Variants in ZNF398 observed in about 807,000 individuals in gnomAD.
ZNF398 encodes the protein zinc finger protein 398.
In ZNF398, 18 loss-of-function variants were observed where a neutral mutation model predicts 41.9. The ratio of observed to expected loss-of-function variants is 0.43; its 90% confidence interval spans 0.30 to 0.64. The LOEUF is 0.64. ZNF398 is among the 30% of genes least tolerant of loss of function. The pLI is 0.14. For missense variants in ZNF398, 669 were observed against 822.8 expected, an observed-to-expected ratio of 0.81 and a Z score of 2.29; for synonymous variants, 260 against 308.8, an observed-to-expected ratio of 0.84 and a Z score of 1.66.
At position 149,147,855 on chromosome 7, in the gene ZNF398, G is replaced by T; in HGVS notation, c.24+89G>T. 7.7e-7 allele frequency: 1 copy of T among 1,294,662 alleles called. No homozygotes were observed. Among genetic ancestry groups the T allele is most frequent in the African/African-American group, 1.5e-5 (1 of 64,558 alleles). 80.2% of individuals were successfully genotyped at this position (1,294,662 alleles called of 1,614,324 possible). A position where few individuals can be genotyped will look rare whatever the true frequency, so the allele number is the denominator to read the frequency against. ...GGCGGGCAGGGAGCTGCCAGGCATA[G>T]GCGCCGTTCTCGGGTCCCGCCGGCC... On this transcript the variant is annotated intron_variant, in intron 1 of 5. Transcript: ENST00000475153. The surrounding 1 kb of genome is among the most constrained non-coding windows in gnomAD (Gnocchi z 5.6).
Position 149,180,133 on chromosome 7 carries a change from A to C in ZNF398, c.*332A>C, listed in dbSNP as rs772281204. On this transcript the variant is annotated 3_prime_UTR_variant, in exon 6 of 6. Transcript: ENST00000475153. Reference sequence around the variant, plus strand: ...AGTTCTCTTGTTCTCAGAGAACAGCAGGTTGATAGTAGATTATGTCTCTAG... The same window carrying C: ...AGTTCTCTTGTTCTCAGAGAACAGCCGGTTGATAGTAGATTATGTCTCTAG... The C allele has an allele frequency of 1.9e-5, 4 of 214,670 alleles. No homozygotes were observed. The highest frequency in any genetic ancestry group is 3.7e-5 in the Non-Finnish European group (4 of 107,206). 13.3% of individuals were successfully genotyped at this position (214,670 alleles called of 1,614,324 possible). A position where few individuals can be genotyped will look rare whatever the true frequency, so the allele number is the denominator to read the frequency against.
At chr7:149,172,455 C>A (rs1202458) in intron 4 of ZNF398, among the ~76,000 whole-genome samples, 102 of 152,024 alleles carry the variant, frequency 6.7e-4, no homozygotes, top group African/African-American at 2.0e-3. Context: ...GCGCTCCCCC[C>A]CTTTTTAAAA....
In ZNF398 at chr7:149,178,799, T is replaced by C. The variant is rs772109460; in HGVS notation, c.927T>C (p.Phe309=). The change falls in exon 6 of 6, where the codon TTT becomes TTC. Residue 309 remains phenylalanine, a synonymous_variant. Coordinates refer to ENST00000475153, the MANE Select transcript of ZNF398 (RefSeq NM_170686.3). ...AGCAGTCTACATCCATGACACCTTTTGGACGTCCAGCCACTGACCTGCCTG... is the reference window on the plus strand; with the variant it reads ...AGCAGTCTACATCCATGACACCTTTCGGACGTCCAGCCACTGACCTGCCTG... The part of the protein sequence containing the change: ...KSQQSTSMTP[F]GRPATDLPEA... The C allele has an allele frequency of 6.2e-7, 1 of 1,614,216 alleles. No homozygotes were observed. The highest frequency in any genetic ancestry group is 8.5e-7 in the Non-Finnish European group (1 of 1,180,034).
intron 2 of ZNF398, among the ~76,000 whole-genome samples, chr7:149,159,417 G>T (rs1047999015): frequency 6.6e-6 from 1 of 151,880 alleles, no homozygotes; most frequent in African/African-American, 2.4e-5. Flanking sequence ...GGAGGCTGAG[G>T]CAGGTGGATC....
chr7:149,157,645 G>A (rs1291755855), intron 2 of ZNF398, among the ~76,000 whole-genome samples: 2 of 151,488 alleles, frequency 1.3e-5, no homozygotes, highest in Non-Finnish European at 2.9e-5. Context: ...CGAGACCATT[G>A]TGGCCAACAT....
chr7:149,146,276 G>C (rs1430889536), upstream of ZNF398, among the ~76,000 whole-genome samples: 1 of 151,990 alleles, frequency 6.6e-6, no homozygotes. Context: ...GCAGCAAACC[G>C]TAACCCCAAG....
intron 1 of ZNF398, among the ~76,000 whole-genome samples, chr7:149,128,102 A>G (rs1225852367): frequency 1.3e-5 from 2 of 152,214 alleles, no homozygotes; most frequent in African/African-American, 2.4e-5. Context: ...TTCTGAGCCA[A>G]ATATGAGTGA....
At chr7:149,164,332 G>A (rs573966111) in intron 2 of ZNF398, among the ~76,000 whole-genome samples, 13 of 149,098 alleles carry the variant, frequency 8.7e-5, no homozygotes, top group Admixed American at 3.4e-4. Flanking sequence ...GCGTGAACCC[G>A]GGAGGCAGAG....
At chr7:149,135,614 C>G (rs186035036) in intron 2 of ZNF398, among the ~76,000 whole-genome samples, 48 of 151,254 alleles carry the variant, frequency 3.2e-4, no homozygotes, top group African/African-American at 1.2e-3. Context: ...ACCTGGAGAA[C>G]TTATCCATGT....
upstream of ZNF398, among the ~76,000 whole-genome samples, chr7:149,145,490 CTGT>C (rs1189652126): frequency 1.3e-5 from 2 of 152,144 alleles, no homozygotes; most frequent in Admixed American, 1.3e-4. Context: ...ATTTGCATCC[CTGT>C]TGTTCCTGTA....
In ZNF398 at chr7:149,137,118, C is replaced by T. The variant is rs143857111; in HGVS notation, c.-490+8174C>T. ...CTGACCTCAGGTGATCCTCCCACCTCAGCCTCCCAAAGTGCTGGGATTACA... is the reference window on the plus strand; with the variant it reads ...CTGACCTCAGGTGATCCTCCCACCTTAGCCTCCCAAAGTGCTGGGATTACA... On this transcript the variant is annotated intron_variant, in intron 2 of 6. Transcript: ENST00000426851. Among the ~76,000 whole-genome samples, 730 of 152,238 alleles carry T rather than the reference C, an allele frequency of 4.8e-3. 2 individuals are homozygous for T. Among genetic ancestry groups the T allele is most frequent in the Non-Finnish European group, 8.0e-3 (543 of 68,032 alleles).
chr7:149,132,685 C>T (rs1826622577), intron 2 of ZNF398, among the ~76,000 whole-genome samples: 1 of 152,130 alleles, frequency 6.6e-6, no homozygotes. Context: ...CCCTAATCTA[C>T]TTAATGCAAA....
chr7:149,151,414 G>A, intron 1 of ZNF398: 1 of 255,874 alleles, frequency 3.9e-6, no homozygotes, highest in Non-Finnish European at 6.9e-6. Flanking sequence ...TGAGAATAAA[G>A]TAGTGGGTGA....
chr7:149,140,825 A>C (rs1341111280), intron 2 of ZNF398, among the ~76,000 whole-genome samples: 3 of 152,094 alleles, frequency 2.0e-5, no homozygotes, highest in African/African-American at 7.2e-5. Flanking sequence ...GCATCCCTTG[A>C]GCCCAAGAGT....
intron 4 of ZNF398, among the ~76,000 whole-genome samples, chr7:149,167,384 G>A (rs1306268867): frequency 6.6e-5 from 10 of 152,156 alleles, no homozygotes; most frequent in Admixed American, 6.5e-4. Context: ...CTGGGAAGCT[G>A]GCTATCATGA....
chr7:149,129,594 G>C (rs998204403), intron 2 of ZNF398, among the ~76,000 whole-genome samples: 1 of 151,802 alleles, frequency 6.6e-6, no homozygotes, highest in Non-Finnish European at 1.5e-5. Context: ...TGGTCAGGCT[G>C]TTCTCCAACT....
At position 149,179,370 on chromosome 7, in the gene ZNF398, C is replaced by T. The variant is rs761838813; in HGVS notation, c.1498C>T (p.Arg500Cys). 4 of 1,612,956 alleles carry T rather than the reference C, an allele frequency of 2.5e-6. No homozygotes were observed. Among genetic ancestry groups the T allele is most frequent in the East Asian group, 2.2e-5 (1 of 44,818 alleles). ...CTTCAACGGCCACTCGGCCCTGATC[C>T]GCCACCAGATGATCCACACAGGCGA... ...IDFNGHSALIRHQMIHTGERP... is the reference protein window; with the variant it reads ...IDFNGHSALICHQMIHTGERP... The change falls in exon 6 of 6, where the codon CGC becomes TGC. Residue 500 changes from arginine (R) to cysteine (C), a missense_variant. By Grantham distance (180) the Arg-to-Cys change is radical. Transcript: ENST00000475153. This position sits in a 1 kb window ranked among gnomAD's most constrained non-coding sequence, Gnocchi z 6.1.
At chr7:149,128,780 T>TAAAATAAAATAAAATAAAATTATA (rs71192757) in intron 1 of ZNF398, 20 of 143,434 alleles carry the variant, frequency 1.4e-4, no homozygotes, top group Middle Eastern at 3.6e-3. Context: ...TAAAATAAAA[T>TAAAATAAAATAAAATAAAATTATA]TATATATATA....
chr7:149,162,428 C>T lies in ZNF398; in HGVS notation c.421-3730C>T, dbSNP rs766806236. On this transcript the variant is annotated intron_variant, in intron 2 of 5. Coordinates refer to ENST00000475153, the MANE Select transcript of ZNF398 (RefSeq NM_170686.3). ...CGATCTCCTGACCTCGTGATCCGCC[C>T]GCCTCGGCCTCTCAAAGTGCTGGGA... 5.3e-5 allele frequency among the ~76,000 whole-genome samples: 8 copies of T among 152,200 alleles called. No homozygotes were observed. The East Asian group carries it at 5.8e-4, about 11-fold the overall frequency.
Sources: gnomAD v4.1 joint callset for allele counts (sites outside exome capture counted in the v4.1 genomes callset) on GRCh38, gnomAD v4.1.1 for gene constraint, Gnocchi (gnomAD v3.1) non-coding constraint, MANE v1.5 for transcripts, NCBI Gene and HGNC (gene_info 2026-07-23, HGNC 2026-07-21) for gene names.